The following EMB variants were observed in gnomAD, a reference collection of about 807,000 sequenced individuals.
EMB encodes the protein embigin.
Under a neutral mutation model 41.4 loss-of-function variants are expected in EMB, and 31 were observed. The observed-to-expected ratio is 0.75, with a 90% CI of 0.56 to 1.01. The LOEUF (loss-of-function observed/expected upper bound fraction) is 1.01. EMB is among the 50% of genes least tolerant of loss of function. The pLI is 0.00. For synonymous variants in EMB, 137 were observed against 140.4 expected, an observed-to-expected ratio of 0.98 and a Z score of 0.17; for missense variants, 379 against 388.3, an observed-to-expected ratio of 0.98 and a Z score of 0.20.
At chr5:50,423,313 AGAG>A (rs1422129944) in intron 2 of EMB, among the ~76,000 whole-genome samples, 3 of 152,192 alleles carry the variant, frequency 2.0e-5, no homozygotes, top group Non-Finnish European at 2.9e-5. Context: ...CCATTGTAAA[AGAG>A]GAGAAGAGAA....
intron 2 of EMB, among the ~76,000 whole-genome samples, chr5:50,427,736 T>G (rs1229574423): frequency 6.6e-6 from 1 of 152,152 alleles, no homozygotes; most frequent in African/African-American, 2.4e-5. Flanking sequence ...TTGCTTCTCC[T>G]TAGCACAGTG....
intron 8 of EMB, 89 bp from the exon 9 acceptor site, chr5:50,399,379 C>T (rs568420631): frequency 7.1e-6 from 11 of 1,547,704 alleles, no homozygotes; most frequent in Non-Finnish European, 9.6e-6. Flanking sequence ...GCAAAAAATA[C>T]TGGGAAGTGA....
chr5:50,400,268 T>G (rs1319512626), intron 7 of EMB, among the ~76,000 whole-genome samples: 1 of 152,046 alleles, frequency 6.6e-6, no homozygotes, highest in African/African-American at 2.4e-5. Context: ...ATATTGGTGC[T>G]ATACATTTGT....
chr5:50,402,876 CAAAAA>C (rs564451334), intron 6 of EMB, among the ~76,000 whole-genome samples: 3 of 54,650 alleles, frequency 5.5e-5, no homozygotes, highest in East Asian at 7.2e-4. Flanking sequence ...CCAGTAGCAC[CAAAAA>C]AAAAAAAAAA....
chr5:50,433,089 C>CA (rs1442468473), intron 1 of EMB, among the ~76,000 whole-genome samples: 2 of 151,208 alleles, frequency 1.3e-5, no homozygotes, highest in Non-Finnish European at 3.0e-5. Context: ...AAAAAAAAAA[C>CA]AAAAAACTTA....
At chr5:50,419,125 C>A (rs988973121) in intron 2 of EMB, among the ~76,000 whole-genome samples, 1 of 152,182 alleles carries the variant, frequency 6.6e-6, no homozygotes, top group Non-Finnish European at 1.5e-5. Flanking sequence ...AGGTAGCAGT[C>A]CAGGACTCAG....
At chr5:50,402,818 C>G (rs57402936) in intron 6 of EMB, among the ~76,000 whole-genome samples, 1 of 121,330 alleles carries the variant, frequency 8.2e-6, no homozygotes, top group Non-Finnish European at 1.6e-5. Flanking sequence ...ATAGATTTTT[C>G]TAATATTCCA....
At chr5:50,432,837 G>C (rs1334100515) in intron 1 of EMB, among the ~76,000 whole-genome samples, 2 of 151,462 alleles carry the variant, frequency 1.3e-5, no homozygotes, top group East Asian at 3.9e-4. Flanking sequence ...TCAGCACTTT[G>C]GGAGGCTGAG....
rs1745091112 is a variant in EMB, at chr5:50,397,628, GATTA to G, written c.*1641_*1644del. 3 of 152,176 alleles carry G rather than the reference GATTA, an allele frequency of 2.0e-5. No homozygotes were observed. Among genetic ancestry groups the G allele is most frequent in the Non-Finnish European group, 1.5e-5 (1 of 67,980 alleles). The allele number at this position is 152,176 out of a possible 1,614,324, so 9.4% of individuals were successfully genotyped here. On this transcript the variant is annotated 3_prime_UTR_variant, in exon 9 of 9. Coordinates refer to ENST00000303221, the MANE Select transcript of EMB (RefSeq NM_198449.3). ...TATTTCCCTGAATTCAAATAGCTTA[GATTA>G]ATTAAGCTAACTGATTGGTTATCTA...
Position 50,434,353 on chromosome 5 carries a change from G to A in EMB, c.113-6126C>T, listed in dbSNP as rs963331212. Among the ~76,000 whole-genome samples the A allele has an allele frequency of 7.9e-5, 12 of 152,322 alleles. No individual in the cohort carries two copies. The East Asian group carries it at 2.3e-3, about 29-fold the overall frequency. On this transcript the variant is annotated intron_variant, in intron 1 of 8. Transcript: ENST00000303221. ...TTCTTAATAATCTTCCAATGGCCCT[G>A]TGGCCCTAAATTCCTGTTCTGCATA...
At chr5:50,434,987 A>G (rs1010671896) in intron 1 of EMB, among the ~76,000 whole-genome samples, 1 of 152,234 alleles carries the variant, frequency 6.6e-6, no homozygotes, top group Non-Finnish European at 1.5e-5. Flanking sequence ...TTTAGAACAA[A>G]TAGCCTCAAC....
At chr5:50,415,643 A>G (rs985824778) in intron 2 of EMB, among the ~76,000 whole-genome samples, 1 of 152,222 alleles carries the variant, frequency 6.6e-6, no homozygotes, top group African/African-American at 2.4e-5. Context: ...GAGATGAGGC[A>G]AAGAGAGGCT....
At chr5:50,426,003 T>A (rs763025478) in intron 2 of EMB, among the ~76,000 whole-genome samples, 2 of 152,186 alleles carry the variant, frequency 1.3e-5, no homozygotes, top group African/African-American at 4.8e-5. Flanking sequence ...TATTACTAAA[T>A]AAGCCTAGAA....
chr5:50,433,344 TA>T (rs199516792), intron 1 of EMB, among the ~76,000 whole-genome samples: 2 of 125,432 alleles, frequency 1.6e-5, no homozygotes, highest in African/African-American at 3.3e-5. Flanking sequence ...TAGATCTCTT[TA>T]AAAAAATATA....
chr5:50,441,756 G>T (rs1579750318), upstream of EMB, among the ~76,000 whole-genome samples: 1 of 152,096 alleles, frequency 6.6e-6, no homozygotes, highest in East Asian at 1.9e-4. Flanking sequence ...GTCTCTGAAG[G>T]CTTAACTGAT....
chr5:50,435,695 C>T (rs568615645), intron 1 of EMB, among the ~76,000 whole-genome samples: 2 of 152,204 alleles, frequency 1.3e-5, no homozygotes, highest in East Asian at 3.9e-4. Context: ...TACTCTTTTT[C>T]CCTTGATATT....
rs1175582699 is a variant in EMB, at chr5:50,436,257, G to T, written c.112+4783C>A. ...TTGTTTAAAGCTATATACCTATATAGACTTAAGTAAAGAGATAGGGATTTA... is the reference window on the plus strand; with the variant it reads ...TTGTTTAAAGCTATATACCTATATATACTTAAGTAAAGAGATAGGGATTTA... On this transcript the variant is annotated intron_variant, in intron 1 of 8. Coordinates refer to ENST00000303221, the MANE Select transcript of EMB (RefSeq NM_198449.3). 2.6e-5 allele frequency among the ~76,000 whole-genome samples: 4 copies of T among 152,050 alleles called. No homozygotes were observed. The East Asian group carries it at 7.7e-4, about 29-fold the overall frequency.
chr5:50,406,576 AT>A (rs1745252626), intron 4 of EMB, among the ~76,000 whole-genome samples: 1 of 151,962 alleles, frequency 6.6e-6, no homozygotes, highest in Admixed American at 6.6e-5. Flanking sequence ...AGATAAGAGC[AT>A]AAACAGTACA....
Position 50,397,596 on chromosome 5 carries a change from T to G in EMB, c.*1677A>C, listed in dbSNP as rs1341744085. ...ATTGTATTTAGTCAAACAGCAGATTTGACTAATATTTCCCTGAATTCAAAT... is the reference window on the plus strand; with the variant it reads ...ATTGTATTTAGTCAAACAGCAGATTGGACTAATATTTCCCTGAATTCAAAT... On this transcript the variant is annotated 3_prime_UTR_variant, in exon 9 of 9. Coordinates refer to ENST00000303221, the MANE Select transcript of EMB (RefSeq NM_198449.3). 1 of 152,132 alleles carries G rather than the reference T, an allele frequency of 6.6e-6. No homozygotes were observed. The highest frequency in any genetic ancestry group is 2.4e-5 in the African/African-American group (1 of 41,444). 9.4% of individuals were successfully genotyped at this position (152,132 alleles called of 1,614,324 possible). A position where few individuals can be genotyped will look rare whatever the true frequency, so the allele number is the denominator to read the frequency against.
Sources: gnomAD v4.1 joint callset for allele counts (sites outside exome capture counted in the v4.1 genomes callset) on GRCh38, gnomAD v4.1.1 for gene constraint, MANE v1.5 for transcripts, NCBI Gene and HGNC (gene_info 2026-07-23, HGNC 2026-07-21) for gene names.